Variants in RASGRF1 observed in about 807,000 individuals in gnomAD.
RASGRF1 encodes ras-specific guanine nucleotide-releasing factor 1.
A neutral mutation model predicts 138.7 loss-of-function variants in RASGRF1; 40 were observed. That is an observed-to-expected ratio of 0.29 (90% CI 0.22 to 0.38). The LOEUF (loss-of-function observed/expected upper bound fraction) is 0.38. Ranked by LOEUF, RASGRF1 falls within the 10% of genes least tolerant of loss-of-function variation. The pLI is 1.00. For missense variants in RASGRF1, 1,108 were observed against 1,650.4 expected, an observed-to-expected ratio of 0.67 and a Z score of 5.69; for synonymous variants, 614 against 663.2, an observed-to-expected ratio of 0.93 and a Z score of 1.14.
At chr15:79,088,536 G>T (rs1156993124) in intron 1 of RASGRF1, among the ~76,000 whole-genome samples, 1 of 152,174 alleles carries the variant, frequency 6.6e-6, no homozygotes, top group Non-Finnish European at 1.5e-5. Context: ...ACGTCCAGGG[G>T]GCTGAGAACA....
intron 18 of RASGRF1, 61 bp from the exon 19 acceptor site, chr15:78,998,269 T>C: frequency 7.2e-7 from 1 of 1,389,432 alleles, no homozygotes; most frequent in Non-Finnish European, 1.0e-6. Flanking sequence ...TGCAGTGGTC[T>C]GGGCCCAGGC....
intron 26 of RASGRF1, among the ~76,000 whole-genome samples, chr15:78,968,582 C>A (rs2055690890): frequency 6.6e-6 from 1 of 151,114 alleles, no homozygotes; most frequent in African/African-American, 2.5e-5. Flanking sequence ...CTACTCCCAG[C>A]TGATATATAT....
At chr15:78,979,922 GGAGACAGTT>G (rs1409102858) in intron 24 of RASGRF1, among the ~76,000 whole-genome samples, 1 of 152,224 alleles carries the variant, frequency 6.6e-6, no homozygotes, top group Non-Finnish European at 1.5e-5. Context: ...GGCAATGTCT[GGAGACAGTT>G]TTGGTCGTCA....
Position 79,049,532 on chromosome 15 carries a change from G to C in RASGRF1, c.588C>G (p.Pro196=). Residue 196 remains proline (P), a synonymous_variant, in exon 4 of 27, where the codon CCC becomes CCG. Transcript: ENST00000558480. The part of the protein sequence containing the change: ...ERIQSTQTVA[P]NDEDSDIKKI... ...TCTTGATGTCGCTGTCTTCATCGTT[G>C]GGGGCGACAGTCTGGGTGGACTGGA... is the stretch of plus-strand genomic sequence containing the variant. The C allele has an allele frequency of 6.2e-7, 1 of 1,614,034 alleles. No homozygotes were observed. The highest frequency in any genetic ancestry group is 8.5e-7 in the Non-Finnish European group (1 of 1,179,978).
rs200604536 is a variant in RASGRF1, at chr15:79,032,270, C to G, written c.1005G>C (p.Glu335Asp). ...ILLPMLNIYQ[E>D]FVRNHQYSLQ... is the part of the protein sequence containing the mutation. Reference sequence around the variant, plus strand: ...GGCTGTACTGGTGGTTGCGGACGAACTCTTGGTAGATGTTGAGCATGGGCA... The same window carrying G: ...GGCTGTACTGGTGGTTGCGGACGAAGTCTTGGTAGATGTTGAGCATGGGCA... Residue 335 changes from glutamate to aspartate, a missense_variant, in exon 7 of 27, where the codon GAG (glutamate) becomes GAC (aspartate). Glu to Asp is a conservative substitution (Grantham distance 45). Coordinates refer to ENST00000558480, the MANE Select transcript of RASGRF1 (RefSeq NM_001145648.3). This position sits in a 1 kb window ranked among gnomAD's most constrained non-coding sequence, Gnocchi z 4.5. 1 of 1,613,984 alleles carries G rather than the reference C, an allele frequency of 6.2e-7. No individual in the cohort carries two copies. Among genetic ancestry groups the G allele is most frequent in the Non-Finnish European group, 8.5e-7 (1 of 1,179,932 alleles).
chr15:78,995,841 T>C (rs1426848328), intron 19 of RASGRF1, 41 bp from the exon 20 acceptor site: 1 of 1,606,546 alleles, frequency 6.2e-7, no homozygotes, highest in East Asian at 2.2e-5. Flanking sequence ...CCACTTCACG[T>C]TGCAGCAGCC....
At chr15:79,061,253 CTTT>C (rs2057600059) in intron 2 of RASGRF1, among the ~76,000 whole-genome samples, 1 of 151,972 alleles carries the variant, frequency 6.6e-6, no homozygotes, top group Non-Finnish European at 1.5e-5. Flanking sequence ...CCCACTGACT[CTTT>C]AATTTTAGCC....
intron 22 of RASGRF1, among the ~76,000 whole-genome samples, chr15:78,987,135 C>G (rs533009037): frequency 6.6e-6 from 1 of 152,114 alleles, no homozygotes; most frequent in South Asian, 2.1e-4. Flanking sequence ...TTTAATATAC[C>G]ATGACCACAT....
At chr15:78,984,774 G>A (rs2056111499) in intron 23 of RASGRF1, 4 of 568,386 alleles carry the variant, frequency 7.0e-6, no homozygotes, top group Non-Finnish European at 1.3e-5. Context: ...TTTCCACTTT[G>A]AGGTATTAAT....
At chr15:78,965,561 ATGTG>A (rs1480664489) in intron 26 of RASGRF1, among the ~76,000 whole-genome samples, 1 of 152,186 alleles carries the variant, frequency 6.6e-6, no homozygotes, top group Non-Finnish European at 1.5e-5. Flanking sequence ...TAAGAATCTC[ATGTG>A]ACCAGCCAGG....
At chr15:78,979,293 CAA>C in intron 24 of RASGRF1, 1 of 929,880 alleles carries the variant, frequency 1.1e-6, no homozygotes, top group East Asian at 6.5e-5. Flanking sequence ...GAAGAAAACG[CAA>C]AGAGGAGGCA....
intron 24 of RASGRF1, chr15:78,978,682 T>C: frequency 9.8e-7 from 1 of 1,024,526 alleles, no homozygotes; most frequent in Non-Finnish European, 1.2e-6. Context: ...CCCCGTCCCC[T>C]GCCTAGTGAA....
chr15:78,977,741 C>T (rs938490879), intron 24 of RASGRF1, among the ~76,000 whole-genome samples: 4 of 152,190 alleles, frequency 2.6e-5, no homozygotes, highest in Non-Finnish European at 5.9e-5. Flanking sequence ...AACAGCCTGT[C>T]CCCCGTGTTC....
intron 1 of RASGRF1, among the ~76,000 whole-genome samples, chr15:79,086,364 C>T (rs975763840): frequency 2.0e-5 from 3 of 152,184 alleles, no homozygotes; most frequent in African/African-American, 4.8e-5. Context: ...AGCCAGAGAA[C>T]GCATCTCATT....
chr15:78,969,387 A>G (rs1250337153), intron 26 of RASGRF1, among the ~76,000 whole-genome samples: 1 of 152,156 alleles, frequency 6.6e-6, no homozygotes, highest in East Asian at 1.9e-4. Context: ...TGTTTTGTCC[A>G]ACATTGAAAA....
In RASGRF1 at chr15:78,974,211, C is replaced by T. The variant is rs944806609; in HGVS notation, c.3495-791G>A. Among the ~76,000 whole-genome samples the T allele has an allele frequency of 7.9e-5, 12 of 152,292 alleles. No individual in the cohort carries two copies. In the East Asian group the frequency reaches 2.1e-3, roughly 27 times the overall value. ...GGTTGATGGAGCCTGTGATGGAGCCCGGCGGTCGTTATGTGCCGGCAGGGC... is the reference window on the plus strand; with the variant it reads ...GGTTGATGGAGCCTGTGATGGAGCCTGGCGGTCGTTATGTGCCGGCAGGGC... On this transcript the variant is annotated intron_variant, in intron 24 of 26. Transcript: ENST00000558480.
intron 26 of RASGRF1, among the ~76,000 whole-genome samples, chr15:78,966,100 A>G (rs2055638653): frequency 6.6e-6 from 1 of 152,022 alleles, no homozygotes; most frequent in South Asian, 2.1e-4. Context: ...CTTAGGCCTG[A>G]TTCCCTTAGT....
intron 4 of RASGRF1, among the ~76,000 whole-genome samples, chr15:79,049,114 G>A (rs767116804): frequency 6.6e-6 from 1 of 152,132 alleles, no homozygotes; most frequent in Non-Finnish European, 1.5e-5. Flanking sequence ...TGGCAGTGGG[G>A]GTGGCATGCC....
intron 19 of RASGRF1, among the ~76,000 whole-genome samples, chr15:78,997,571 A>G (rs2056421233): frequency 6.6e-6 from 1 of 151,914 alleles, no homozygotes; most frequent in Non-Finnish European, 1.5e-5. Context: ...CGTCTCTACT[A>G]AAAATACAAA....
Sources: allele counts gnomAD v4.1 joint callset (sites outside exome capture counted in the v4.1 genomes callset), GRCh38; gene constraint gnomAD v4.1.1; non-coding constraint Gnocchi (gnomAD v3.1); transcripts MANE v1.5; gene names NCBI Gene and HGNC (gene_info 2026-07-23, HGNC 2026-07-21).